The following PLCXD3 variants were observed in gnomAD, a reference collection of about 807,000 sequenced individuals.
PLCXD3 encodes PI-PLC X domain-containing protein 3.
PLCXD3 carries 19 observed loss-of-function variants against 25.5 expected under a neutral mutation model. The observed-to-expected ratio is 0.75, with a 90% CI of 0.52 to 1.09. The LOEUF (loss-of-function observed/expected upper bound fraction) is 1.09. Ranked by LOEUF, PLCXD3 falls within the 50% of genes least tolerant of loss-of-function variation. PLCXD3 has a pLI of 0.00. For synonymous variants in PLCXD3, 174 were observed against 137.6 expected, an observed-to-expected ratio of 1.26 and a Z score of -1.85; for missense variants, 411 against 388.1, an observed-to-expected ratio of 1.06 and a Z score of -0.50.
chr5:41,387,307 T>A (rs1745668138), intron 1 of PLCXD3, among the ~76,000 whole-genome samples: 1 of 152,128 alleles, frequency 6.6e-6, no homozygotes, highest in African/African-American at 2.4e-5. Context: ...TGATTTCTGA[T>A]TCTAGCATGA....
intron 1 of PLCXD3, among the ~76,000 whole-genome samples, chr5:41,421,351 T>C (rs994147283): frequency 1.3e-5 from 2 of 152,162 alleles, no homozygotes; most frequent in African/African-American, 4.8e-5. Context: ...ATGAATTATA[T>C]TTCTTATAAT....
At chr5:41,466,861 T>A (rs891216631) in intron 1 of PLCXD3, among the ~76,000 whole-genome samples, 1 of 152,118 alleles carries the variant, frequency 6.6e-6, no homozygotes, top group Non-Finnish European at 1.5e-5. Flanking sequence ...TCAAGATCCA[T>A]CCATACTGTC....
intron 2 of PLCXD3, among the ~76,000 whole-genome samples, chr5:41,348,043 G>A (rs1744348870): frequency 1.3e-5 from 2 of 152,142 alleles, no homozygotes; most frequent in Non-Finnish European, 2.9e-5. Context: ...CAGCTCCAGT[G>A]GATATTTGGA....
chr5:41,325,255 C>G (rs187021272), intron 2 of PLCXD3, among the ~76,000 whole-genome samples: 1 of 152,228 alleles, frequency 6.6e-6, no homozygotes, highest in Admixed American at 6.5e-5. Context: ...ATTTTCTGTT[C>G]AGGCATACGT....
At chr5:41,437,768 T>C (rs772801341) in intron 1 of PLCXD3, among the ~76,000 whole-genome samples, 4 of 151,976 alleles carry the variant, frequency 2.6e-5, no homozygotes, top group African/African-American at 7.3e-5. Flanking sequence ...ACTGGAGAGG[T>C]TGGATTGAAA....
chr5:41,320,491 G>C (rs1251857631), intron 2 of PLCXD3, among the ~76,000 whole-genome samples: 1 of 152,080 alleles, frequency 6.6e-6, no homozygotes, highest in East Asian at 1.9e-4. Context: ...TTAATGTTTT[G>C]GTTTTTTAAT....
intron 1 of PLCXD3, among the ~76,000 whole-genome samples, chr5:41,440,860 C>A (rs916978685): frequency 2.0e-5 from 3 of 152,142 alleles, no homozygotes; most frequent in Non-Finnish European, 4.4e-5. Flanking sequence ...TTTATTTCAA[C>A]AAGTGCAGTT....
At position 41,423,828 on chromosome 5, in the gene PLCXD3, T is replaced by C. The variant is rs190879778; in HGVS notation, c.104-41294A>G. 4.1e-3 allele frequency among the ~76,000 whole-genome samples: 618 copies of C among 152,290 alleles called. 2 individuals carry two copies. Among genetic ancestry groups the C allele is most frequent in the Admixed American group, 7.1e-3 (108 of 15,292 alleles). Reference sequence around the variant, plus strand: ...ATCTTTCCCTACCTTTGTTGAGATATATTTGAAAAATAAAAACTGTATATA... The same window carrying C: ...ATCTTTCCCTACCTTTGTTGAGATACATTTGAAAAATAAAAACTGTATATA... On this transcript the variant is annotated intron_variant, in intron 1 of 2. Coordinates refer to ENST00000377801, the MANE Select transcript of PLCXD3 (RefSeq NM_001005473.3).
chr5:41,418,409 A>G (rs1303434112), intron 1 of PLCXD3, among the ~76,000 whole-genome samples: 1 of 152,218 alleles, frequency 6.6e-6, no homozygotes, highest in Non-Finnish European at 1.5e-5. Flanking sequence ...GTACTTGGGT[A>G]AGAAATTCTG....
chr5:41,313,501 C>T lies in PLCXD3; in HGVS notation c.*116G>A, dbSNP rs1244047509. 2 of 1,217,404 alleles carry T rather than the reference C, an allele frequency of 1.6e-6. No homozygotes were observed. Among genetic ancestry groups the T allele is most frequent in the Admixed American group, 2.2e-5 (1 of 46,300 alleles). The allele number at this position is 1,217,404 out of a possible 1,614,324, so 75.4% of individuals were successfully genotyped here. A position where few individuals can be genotyped will look rare whatever the true frequency, so the allele number is the denominator to read the frequency against. The stretch of plus-strand genomic sequence containing the variant: ...TTTTTCCCCTTTTCCCACCCACTAC[C>T]AGCCCTATTCCCTTCAGAGACTCAG... On this transcript the variant is annotated 3_prime_UTR_variant, in exon 3 of 3. Transcript: ENST00000377801.
At position 41,489,954 on chromosome 5, in the gene PLCXD3, A is replaced by C. The variant is rs377435344; in HGVS notation, c.103+20470T>G. 2.1e-4 allele frequency among the ~76,000 whole-genome samples: 32 copies of C among 152,080 alleles called. No homozygotes were observed. The South Asian group carries it at 6.5e-3, about 31-fold the overall frequency. On this transcript the variant is annotated intron_variant, in intron 1 of 2. Transcript: ENST00000377801. ...CTTCTCCTGCCTAATTGCCCTGGCC[A>C]GAACTTCCAACACTATGTTGAATAG...
At chr5:41,367,415 G>A (rs772163262) in intron 2 of PLCXD3, among the ~76,000 whole-genome samples, 2 of 152,002 alleles carry the variant, frequency 1.3e-5, no homozygotes, top group Non-Finnish European at 2.9e-5. Flanking sequence ...TTTTTCAAAT[G>A]TTTGTTGGCC....
chr5:41,388,305 G>A (rs1379124609), intron 1 of PLCXD3, among the ~76,000 whole-genome samples: 5 of 152,016 alleles, frequency 3.3e-5, no homozygotes, highest in African/African-American at 1.2e-4. Context: ...GGAAGTAAAG[G>A]CAATTGATCT....
At position 41,345,148 on chromosome 5, in the gene PLCXD3, T is replaced by A. The variant is rs537854995; in HGVS notation, c.813-31378A>T. 2.6e-5 allele frequency among the ~76,000 whole-genome samples: 4 copies of A among 152,338 alleles called. No homozygotes were observed. In the East Asian group the frequency reaches 7.7e-4, roughly 29 times the overall value. On this transcript the variant is annotated intron_variant, in intron 2 of 2. Coordinates refer to ENST00000377801, the MANE Select transcript of PLCXD3 (RefSeq NM_001005473.3). ...AGTAATTGATGAAGCAAGGCAACATTAGATTTGTGTCCAAATAATATGATC... is the reference window on the plus strand; with the variant it reads ...AGTAATTGATGAAGCAAGGCAACATAAGATTTGTGTCCAAATAATATGATC...
chr5:41,350,524 A>G (rs1002399162), intron 2 of PLCXD3, among the ~76,000 whole-genome samples: 8 of 152,190 alleles, frequency 5.3e-5, no homozygotes, highest in African/African-American at 1.9e-4. Flanking sequence ...GATGCATTCC[A>G]TTGAAAGACT....
chr5:41,412,037 C>T (rs951868455), intron 1 of PLCXD3, among the ~76,000 whole-genome samples: 5 of 151,720 alleles, frequency 3.3e-5, no homozygotes, highest in Non-Finnish European at 5.9e-5. Context: ...AGAGCACACA[C>T]AGACACAATC....
intron 1 of PLCXD3, among the ~76,000 whole-genome samples, chr5:41,400,266 G>A (rs1746138903): frequency 1.3e-5 from 2 of 152,204 alleles, no homozygotes; most frequent in Middle Eastern, 3.4e-3. Context: ...AACCACTATG[G>A]AGAACAGTTT....
At chr5:41,451,721 A>G (rs918769082) in intron 1 of PLCXD3, among the ~76,000 whole-genome samples, 2 of 151,638 alleles carry the variant, frequency 1.3e-5, no homozygotes, top group Non-Finnish European at 2.9e-5. Context: ...ACTGAAAGAC[A>G]TTGAAGGGAA....
intron 2 of PLCXD3, among the ~76,000 whole-genome samples, chr5:41,371,393 G>C (rs1164060816): frequency 6.6e-6 from 1 of 152,046 alleles, no homozygotes; most frequent in Non-Finnish European, 1.5e-5. Context: ...CTTCAGATAA[G>C]GTCACCACCT....
Sources: allele counts gnomAD v4.1 joint callset (sites outside exome capture counted in the v4.1 genomes callset), GRCh38; gene constraint gnomAD v4.1.1; transcripts MANE v1.5; gene names NCBI Gene and HGNC (gene_info 2026-07-23, HGNC 2026-07-21).